Variants in DPP10 observed in about 807,000 individuals in gnomAD.
DPP10 encodes the protein inactive dipeptidyl peptidase 10.
DPP10 carries 33 observed loss-of-function variants against 120.9 expected under a neutral mutation model. The ratio of observed to expected loss-of-function variants is 0.27; its 90% CI spans 0.21 to 0.37. The LOEUF (loss-of-function observed/expected upper bound fraction) is 0.37, where lower values mean the gene tolerates loss of function less well. Among genes scored for constraint, DPP10 ranks in the 10% least tolerant of loss-of-function variants. DPP10 has a pLI of 1.00. For synonymous variants in DPP10, 337 were observed against 326.1 expected, an observed-to-expected ratio of 1.03 and a Z score of -0.36; for missense variants, 816 against 942.8, an observed-to-expected ratio of 0.87 and a Z score of 1.76.
intron 1 of DPP10, among the ~76,000 whole-genome samples, chr2:114,622,285 A>G (rs1694152361): frequency 1.3e-5 from 2 of 152,116 alleles, no homozygotes; most frequent in African/African-American, 2.4e-5. Flanking sequence ...TTTATAGTTT[A>G]TAGAAAATAT....
At chr2:114,791,266 T>G (rs1007819231) in intron 1 of DPP10, among the ~76,000 whole-genome samples, 1 of 152,202 alleles carries the variant, frequency 6.6e-6, no homozygotes, top group Non-Finnish European at 1.5e-5. Flanking sequence ...TATTGCCATG[T>G]TTTGTTTCAG....
intron 2 of DPP10, among the ~76,000 whole-genome samples, chr2:115,321,992 A>G (rs1195516794): frequency 6.6e-6 from 1 of 152,096 alleles, no homozygotes; most frequent in Non-Finnish European, 1.5e-5. Context: ...GAGCATATTT[A>G]ACACAATTGA....
chr2:114,778,582 A>G (rs1475107744), intron 1 of DPP10, among the ~76,000 whole-genome samples: 4 of 152,090 alleles, frequency 2.6e-5, no homozygotes, highest in Non-Finnish European at 5.9e-5. Context: ...GTTAAAGTCT[A>G]GAGTCTTGGA....
At chr2:114,523,486 C>G (rs1400854741) in intron 1 of DPP10, among the ~76,000 whole-genome samples, 1 of 152,288 alleles carries the variant, frequency 6.6e-6, no homozygotes, top group African/African-American at 2.4e-5. Context: ...GCATTGATAG[C>G]TCTGGTTGAT....
chr2:114,780,744 A>G (rs923561563), intron 1 of DPP10, among the ~76,000 whole-genome samples: 1 of 152,082 alleles, frequency 6.6e-6, no homozygotes, highest in Non-Finnish European at 1.5e-5. Context: ...TGATTGGTTG[A>G]TTTATTGACA....
intron 5 of DPP10, among the ~76,000 whole-genome samples, chr2:115,603,204 A>G (rs1228973993): frequency 1.3e-5 from 2 of 151,384 alleles, no homozygotes; most frequent in Non-Finnish European, 2.9e-5. Context: ...TTCTTTGGAG[A>G]AAAAAAGGTC....
chr2:114,491,606 A>T (rs181196757), intron 1 of DPP10, among the ~76,000 whole-genome samples: 2 of 152,132 alleles, frequency 1.3e-5, no homozygotes, highest in African/African-American at 4.8e-5. Context: ...GTTCATTTCC[A>T]CTGGAAACTT....
intron 1 of DPP10, among the ~76,000 whole-genome samples, chr2:114,678,607 A>G (rs949282029): frequency 3.3e-5 from 5 of 151,934 alleles, no homozygotes; most frequent in African/African-American, 9.7e-5. Context: ...TCTCTATTAC[A>G]TGTAAGCTCT....
In DPP10 at chr2:115,093,646, A is replaced by C. The variant is rs551689816; in HGVS notation, c.61-215593A>C. On this transcript the variant is annotated intron_variant, in intron 1 of 25. Coordinates refer to ENST00000410059, the MANE Select transcript of DPP10 (RefSeq NM_020868.6). ...TGACAGCCACTGTAATAAGTTAAAA[A>C]GTTTTTGTAGGTAAAAGACAAGGCT... Among the ~76,000 whole-genome samples the C allele has an allele frequency of 3.9e-5, 6 of 152,248 alleles. No individual in the cohort carries two copies. The East Asian group carries it at 9.6e-4, about 24-fold the overall frequency.
chr2:115,367,466 A>C (rs1161586365), intron 3 of DPP10, among the ~76,000 whole-genome samples: 2 of 152,026 alleles, frequency 1.3e-5, no homozygotes, highest in East Asian at 3.8e-4. Flanking sequence ...GCTTTTGGAG[A>C]GCATGTGACA....
intron 1 of DPP10, among the ~76,000 whole-genome samples, chr2:114,477,802 TATAC>T (rs1376405614): frequency 2.6e-5 from 4 of 151,096 alleles, no homozygotes; most frequent in African/African-American, 9.7e-5. Context: ...TATATGCACA[TATAC>T]ATACATATGT....
At position 115,843,769 on chromosome 2, in the gene DPP10, G is replaced by A. The variant is rs1363759161; in HGVS notation, c.*1424G>A. On this transcript the variant is annotated 3_prime_UTR_variant, in exon 26 of 26. Transcript: ENST00000410059. ...AGAATATCTTCTCACTTCACTTAAGGGATCTTCCAGAAGATATCTAAAAGT... is the reference window on the plus strand; with the variant it reads ...AGAATATCTTCTCACTTCACTTAAGAGATCTTCCAGAAGATATCTAAAAGT... 6.6e-6 allele frequency: 1 copy of A among 152,292 alleles called. No individual in the cohort carries two copies. The highest frequency in any genetic ancestry group is 1.5e-5 in the Non-Finnish European group (1 of 68,018). The allele number at this position is 152,292 out of a possible 1,614,324, so 9.4% of individuals were successfully genotyped here.
At chr2:115,195,544 A>G (rs1294893458) in intron 1 of DPP10, among the ~76,000 whole-genome samples, 2 of 152,210 alleles carry the variant, frequency 1.3e-5, no homozygotes, top group Non-Finnish European at 2.9e-5. Flanking sequence ...TGTTTATGTG[A>G]TTGTTCTAAC....
At chr2:115,057,646 A>G (rs1005936420) in intron 1 of DPP10, among the ~76,000 whole-genome samples, 1 of 152,210 alleles carries the variant, frequency 6.6e-6, no homozygotes, top group Non-Finnish European at 1.5e-5. Flanking sequence ...TGTGTTAGCA[A>G]AAACACAAAG....
intron 1 of DPP10, among the ~76,000 whole-genome samples, chr2:114,762,827 C>T (rs1680397458): frequency 6.6e-6 from 1 of 152,178 alleles, no homozygotes; most frequent in African/African-American, 2.4e-5. Flanking sequence ...TATTCTTTTA[C>T]TGAGCATCTG....
intron 1 of DPP10, among the ~76,000 whole-genome samples, chr2:114,973,365 A>ATT (rs1699520879): frequency 2.6e-5 from 4 of 151,780 alleles, no homozygotes; most frequent in Non-Finnish European, 4.4e-5. Context: ...ACTTATTAAA[A>ATT]AAAAGTTAAC....
intron 1 of DPP10, among the ~76,000 whole-genome samples, chr2:115,130,152 G>C (rs1374731310): frequency 6.6e-6 from 1 of 152,120 alleles, no homozygotes; most frequent in African/African-American, 2.4e-5. Flanking sequence ...CCTATAGTTA[G>C]CTAGCTCAGA....
chr2:115,757,352 G>T (rs1311887884), intron 11 of DPP10, among the ~76,000 whole-genome samples: 1 of 151,844 alleles, frequency 6.6e-6, no homozygotes, highest in Non-Finnish European at 1.5e-5. Flanking sequence ...TAATAATAAG[G>T]TTTATTAGAC....
At chr2:115,810,091 G>A (rs1419796706) in intron 19 of DPP10, among the ~76,000 whole-genome samples, 2 of 151,862 alleles carry the variant, frequency 1.3e-5, no homozygotes, top group Non-Finnish European at 2.9e-5. Flanking sequence ...GAACCCGGGA[G>A]GCGGATCTGG....
Sources: allele counts gnomAD v4.1 joint callset (sites outside exome capture counted in the v4.1 genomes callset), GRCh38; gene constraint gnomAD v4.1.1; transcripts MANE v1.5; gene names NCBI Gene and HGNC (gene_info 2026-07-23, HGNC 2026-07-21).